Variants in ALG9 observed in about 807,000 individuals in gnomAD.
ALG9 encodes the protein ALG9 alpha-1,2-mannosyltransferase, also known as alpha-1,2-mannosyltransferase ALG9.
ALG9 carries 55 observed loss-of-function variants against 81.8 expected under a neutral mutation model. The ratio of observed to expected loss-of-function variants is 0.67; its 90% CI spans 0.54 to 0.84. The LOEUF (loss-of-function observed/expected upper bound fraction) is 0.84. Ranked by LOEUF, ALG9 falls within the 40% of genes least tolerant of loss-of-function variation. The probability of loss-of-function intolerance (pLI) is 0.00; values close to 1 mark genes in which losing one functional copy is unlikely to be tolerated. For missense variants in ALG9, 629 were observed against 745.0 expected (o/e 0.84, Z 1.81); for synonymous variants, 278 against 274.3 (o/e 1.01, Z -0.13).
Position 111,870,155 on chromosome 11 carries a change from T to C in ALG9, c.270+77A>G. 3 of 1,477,032 alleles carry C rather than the reference T, an allele frequency of 2.0e-6. No individual in the cohort carries two copies. In the South Asian group the frequency reaches 3.9e-5, roughly 19 times the overall value. 91.5% of individuals were successfully genotyped at this position (1,477,032 alleles called of 1,614,324 possible). A position where few individuals can be genotyped will look rare whatever the true frequency, so the allele number is the denominator to read the frequency against. ...TTTACTAGGAGTCACACTTGTATAT[T>C]ATTTGTCTCTCGATTGGTAATAACA... On this transcript the variant is annotated intron_variant, in intron 2 of 14. Transcript: ENST00000616540.
At chr11:111,858,146 A>G (rs997498291) in intron 5 of ALG9, among the ~76,000 whole-genome samples, 3 of 152,158 alleles carry the variant, frequency 2.0e-5, no homozygotes, top group East Asian at 3.8e-4. Flanking sequence ...CATGTTGGCC[A>G]GGCTGGTCTC....
Position 111,871,375 on chromosome 11 carries a change from C to A in ALG9, c.108G>T (p.Ala36=), listed in dbSNP as rs1256314402. ...KLRELLGSRE[A]GGAEHRTELS... The stretch of plus-strand genomic sequence containing the variant: ...ACTCGGTCCGGTGCTCCGCGCCGCC[C>A]GCCTCTCGGCTGCCCAGCAGCTCCC... The change falls in exon 1 of 15, where the codon GCG becomes GCT. Residue 36 remains alanine (A), a synonymous_variant. Transcript: ENST00000616540. The A allele has an allele frequency of 6.5e-7, 1 of 1,532,316 alleles. No homozygotes were observed. Among genetic ancestry groups the A allele is most frequent in the South Asian group, 1.2e-5 (1 of 83,792 alleles). The allele number at this position is 1,532,316 out of a possible 1,614,324, so 94.9% of individuals were successfully genotyped here.
At chr11:111,862,238 T>C (rs1048079716) in intron 4 of ALG9, among the ~76,000 whole-genome samples, 8 of 150,856 alleles carry the variant, frequency 5.3e-5, no homozygotes, top group African/African-American at 1.7e-4. Flanking sequence ...TTCTTTTTTT[T>C]CTTTTTTTTT....
At chr11:111,828,045 C>T (rs1466602607) in intron 13 of ALG9, among the ~76,000 whole-genome samples, 4 of 151,918 alleles carry the variant, frequency 2.6e-5, no homozygotes, top group Admixed American at 2.0e-4. Flanking sequence ...AAAAAATTGG[C>T]CAGGCATGGT....
chr11:111,824,504 A>G (rs1555106625), intron 13 of ALG9, among the ~76,000 whole-genome samples: 1 of 152,236 alleles, frequency 6.6e-6, no homozygotes, highest in Non-Finnish European at 1.5e-5. Context: ...ATGATGGACA[A>G]TATCAGATGT....
Position 111,786,290 on chromosome 11 carries a change from T to G in ALG9, c.*107A>C. 1.3e-6 allele frequency: 2 copies of G among 1,548,172 alleles called. No individual in the cohort carries two copies. The highest frequency in any genetic ancestry group is 1.1e-5 in the South Asian group (1 of 89,100). On this transcript the variant is annotated 3_prime_UTR_variant, in exon 15 of 15. Coordinates refer to ENST00000616540, the MANE Select transcript of ALG9 (RefSeq NM_024740.2). ...GAGCACCCAGATTCCAGTATTCATGTCAGAAGACCTTTATTACAAATGTTA... is the reference window on the plus strand; with the variant it reads ...GAGCACCCAGATTCCAGTATTCATGGCAGAAGACCTTTATTACAAATGTTA...
At chr11:111,869,972 C>T (rs1303683115) in intron 2 of ALG9, among the ~76,000 whole-genome samples, 6 of 151,950 alleles carry the variant, frequency 3.9e-5, no homozygotes, top group African/African-American at 9.7e-5. Context: ...CCACCATGCC[C>T]GGCTAATTTT....
rs533224808 is a variant in ALG9, at chr11:111,867,438, T to C, written c.405+1164A>G. On this transcript the variant is annotated intron_variant, in intron 3 of 14. Transcript: ENST00000616540. ...AGCGGGCTTTGTAAAAATATTTCAG[T>C]GAATAACTAAGAATATGCTTGAAGC... 2.5e-4 allele frequency among the ~76,000 whole-genome samples: 38 copies of C among 152,050 alleles called. 2 individuals are homozygous for C. In the South Asian group the frequency reaches 7.7e-3, roughly 31 times the overall value.
intron 13 of ALG9, among the ~76,000 whole-genome samples, chr11:111,821,264 T>C (rs1392272771): frequency 2.0e-5 from 3 of 152,160 alleles, no homozygotes; most frequent in Admixed American, 2.0e-4. Context: ...GCTTCTGTCC[T>C]CCTTGAGCTC....
At position 111,870,117 on chromosome 11, in the gene ALG9, A is replaced by G. The variant is rs1963825487; in HGVS notation, c.270+115T>C. On this transcript the variant is annotated intron_variant, in intron 2 of 14. Coordinates refer to ENST00000616540, the MANE Select transcript of ALG9 (RefSeq NM_024740.2). ...CTGTTTTTTTGTTTTTTTTTTTAAG[A>G]AAATACAGTTATTTTACTAGGAGTC... The G allele has an allele frequency of 2.4e-6, 3 of 1,230,554 alleles. No individual in the cohort carries two copies. The East Asian group carries it at 8.3e-5, about 34-fold the overall frequency. The allele number at this position is 1,230,554 out of a possible 1,614,324, so 76.2% of individuals were successfully genotyped here.
At chr11:111,813,213 A>G (rs1017161422) in intron 13 of ALG9, among the ~76,000 whole-genome samples, 1 of 152,374 alleles carries the variant, frequency 6.6e-6, no homozygotes, top group Non-Finnish European at 1.5e-5. Context: ...TATCTTCAAG[A>G]TCTTGGGTAA....
rs782186765 is a variant in ALG9 at position 111,865,277 on chromosome 11, C to T, written c.406-26G>A. The stretch of plus-strand genomic sequence containing the variant: ...CTAAAAGAAACCCAGAAAAAGAAAA[C>T]AGAAGTCACAGATATGAGCTAGAAA... On this transcript the variant is annotated intron_variant, in intron 3 of 14. Transcript: ENST00000616540. 16 of 1,525,434 alleles carry T rather than the reference C, an allele frequency of 1.0e-5. No individual in the cohort carries two copies. In the East Asian group the frequency reaches 3.7e-4, roughly 35 times the overall value. 94.5% of individuals were successfully genotyped at this position (1,525,434 alleles called of 1,614,324 possible).
At chr11:111,821,683 T>C (rs1302818639) in intron 13 of ALG9, among the ~76,000 whole-genome samples, 1 of 151,962 alleles carries the variant, frequency 6.6e-6, no homozygotes, top group Non-Finnish European at 1.5e-5. Context: ...TTGCCCAGGC[T>C]GGAGTACAGT....
At chr11:111,820,034 C>T (rs1459728896) in intron 13 of ALG9, among the ~76,000 whole-genome samples, 2 of 152,178 alleles carry the variant, frequency 1.3e-5, no homozygotes, top group Non-Finnish European at 2.9e-5. Context: ...TCCATAATAC[C>T]ATACAATAAA....
At chr11:111,837,747 G>A (rs553283271) in intron 11 of ALG9, 132 bp from the exon 12 acceptor site, 11 of 1,005,064 alleles carry the variant, frequency 1.1e-5, no homozygotes, top group Non-Finnish European at 1.5e-5. Context: ...AGCCATTCCA[G>A]CATGAAGCCT....
chr11:111,796,647 G>GA (rs1177581884), intron 14 of ALG9, among the ~76,000 whole-genome samples: 1 of 152,190 alleles, frequency 6.6e-6, no homozygotes, highest in Non-Finnish European at 1.5e-5. Flanking sequence ...AGGGTCTCAA[G>GA]AAAGTATTCT....
At chr11:111,777,697 A>G (rs939951779), downstream of ALG9, among the ~76,000 whole-genome samples, 4 of 152,230 alleles carry the variant, frequency 2.6e-5, no homozygotes, top group Non-Finnish European at 4.4e-5. Flanking sequence ...AGAATCCATA[A>G]CATTCTTTCA....
At chr11:111,856,336 A>C (rs1326473711) in intron 6 of ALG9, among the ~76,000 whole-genome samples, 1 of 151,544 alleles carries the variant, frequency 6.6e-6, no homozygotes, top group Non-Finnish European at 1.5e-5. Context: ...TTATAACAGT[A>C]AAAAAATGAA....
At position 111,782,507 on chromosome 11, in the gene ALG9, C is replaced by G. The variant is rs1291324621; in HGVS notation, c.*3890G>C. The G allele has an allele frequency of 6.6e-6, 1 of 152,592 alleles. No homozygotes were observed. The highest frequency in any genetic ancestry group is 1.5e-5 in the Non-Finnish European group (1 of 68,038). 9.5% of individuals were successfully genotyped at this position (152,592 alleles called of 1,614,324 possible). ...GGCACATGTCCATTTATCCATTTAC[C>G]CAAGGCATTTAATGTAGGAGCATAA... On this transcript the variant is annotated 3_prime_UTR_variant, in exon 15 of 15. Transcript: ENST00000616540.
Sources: gnomAD v4.1 joint callset for allele counts (sites outside exome capture counted in the v4.1 genomes callset) on GRCh38, gnomAD v4.1.1 for gene constraint, MANE v1.5 for transcripts, NCBI Gene and HGNC (gene_info 2026-07-23, HGNC 2026-07-21) for gene names.